The following PAK4 variants were observed in gnomAD, a reference collection of about 807,000 sequenced individuals.
PAK4 encodes the protein p21 (RAC1) activated kinase 4, also known as serine/threonine-protein kinase PAK 4.
PAK4 carries 49 observed loss-of-function variants against 53.5 expected under a neutral mutation model. That is an observed-to-expected ratio of 0.92 (90% CI 0.73 to 1.16). The LOEUF (loss-of-function observed/expected upper bound fraction) is 1.16, where lower values mean the gene tolerates loss of function less well. Among genes scored for constraint, PAK4 ranks in the 50% most tolerant of loss-of-function variants. The pLI, the probability that PAK4 is intolerant of heterozygous loss-of-function variation, is 0.00. For synonymous variants in PAK4, 376 were observed against 375.6 expected (o/e 1.00, Z -0.01); for missense variants, 824 against 850.7 (o/e 0.97, Z 0.39).
rs372653621 is a variant in PAK4 at position 39,175,050 on chromosome 19, C to T, written c.1218C>T (p.Ile406=). 314 of 1,611,324 alleles carry T rather than the reference C, an allele frequency of 1.9e-4. No individual in the cohort carries two copies. The East Asian group carries it at 3.4e-3, about 17-fold the overall frequency. The change falls in exon 5 of 9, where the codon ATC becomes ATT. Residue 406 remains isoleucine (I), a synonymous_variant. Transcript: ENST00000358301. This position sits in a 1 kb window ranked among gnomAD's most constrained non-coding sequence, Gnocchi z 4.7. Reference sequence around the variant, plus strand: ...TGGAAGGAGGCGCCCTCACCGACATCGTCACCCACACCAGGTATTTCTGGG... The same window carrying T: ...TGGAAGGAGGCGCCCTCACCGACATTGTCACCCACACCAGGTATTTCTGGG...
rs200319983 is a variant in PAK4 at position 39,173,038 on chromosome 19, G to A, written c.325G>A (p.Ala109Thr). Reference sequence around the variant, plus strand: ...GCGGAGAGACAGCCCGCCGCCGCCCGCCCGTGCCCGCCAGGAAAATGGGAT... The same window carrying A: ...GCGGAGAGACAGCCCGCCGCCGCCCACCCGTGCCCGCCAGGAAAATGGGAT... Residue 109 changes from alanine to threonine, a missense_variant, in exon 3 of 9, where the codon GCC (alanine) becomes ACC (threonine). Transcript: ENST00000358301. The surrounding 1 kb of genome is among the most constrained non-coding windows in gnomAD (Gnocchi z 6.9). 2.8e-4 allele frequency: 430 copies of A among 1,548,920 alleles called. 2 individuals carry two copies. In the African/African-American group the frequency reaches 4.4e-3, roughly 16 times the overall value.
intron 1 of PAK4, among the ~76,000 whole-genome samples, chr19:39,151,418 G>GT (rs1184049022): frequency 6.6e-6 from 1 of 152,290 alleles, no homozygotes; most frequent in Non-Finnish European, 1.5e-5. Flanking sequence ...GGGGCTGTGA[G>GT]TGGGGACAGG....
At chr19:39,126,385 C>G (rs1370587512) in intron 1 of PAK4, among the ~76,000 whole-genome samples, 1 of 125,552 alleles carries the variant, frequency 8.0e-6, no homozygotes, top group Non-Finnish European at 1.6e-5. Flanking sequence ...AATCTGACAG[C>G]GGGGCAGCTG....
chr19:39,131,943 G>A (rs191950233), intron 1 of PAK4, among the ~76,000 whole-genome samples: 1 of 152,272 alleles, frequency 6.6e-6, no homozygotes, highest in East Asian at 1.9e-4. Flanking sequence ...TGTGTGCGTC[G>A]TGCTTAGCCC....
intron 1 of PAK4, among the ~76,000 whole-genome samples, chr19:39,149,225 CTA>C (rs1400864879): frequency 3.3e-5 from 5 of 152,136 alleles, no homozygotes; most frequent in African/African-American, 1.2e-4. Context: ...TTCACAAGAG[CTA>C]AAAGGTGGAA....
At chr19:39,159,002 G>A (rs768411199) in intron 1 of PAK4, among the ~76,000 whole-genome samples, 5 of 152,152 alleles carry the variant, frequency 3.3e-5, no homozygotes, top group Admixed American at 6.5e-5. Context: ...GGCCCCACTC[G>A]GCACCAGTCA....
intron 1 of PAK4, among the ~76,000 whole-genome samples, chr19:39,153,711 G>C (rs1031002370): frequency 1.3e-5 from 2 of 152,126 alleles, no homozygotes; most frequent in African/African-American, 4.8e-5. Context: ...CAAAGTGCAG[G>C]GATTACAGGT....
chr19:39,163,603 C>T (rs905485565), intron 1 of PAK4, among the ~76,000 whole-genome samples: 1 of 152,168 alleles, frequency 6.6e-6, no homozygotes, highest in African/African-American at 2.4e-5. Flanking sequence ...GTCAACGCTG[C>T]CTGTCCCGCA....
At chr19:39,152,538 T>G (rs1310949387) in intron 1 of PAK4, 1 of 152,168 alleles carries the variant, frequency 6.6e-6, no homozygotes, top group Non-Finnish European at 1.5e-5. Context: ...GAAAAAAAAT[T>G]GTATGCTAAG....
chr19:39,165,195 G>GATA lies in PAK4; in HGVS notation c.-22-4314_-22-4312dup, dbSNP rs71169565. Among the ~76,000 whole-genome samples, 93 of 128,438 alleles carry GATA rather than the reference G, an allele frequency of 7.2e-4. 1 individual carries two copies. The highest frequency in any genetic ancestry group is 8.5e-4 in the Non-Finnish European group (53 of 62,290). The allele number at this position is 128,438 out of a possible 152,430, so 84.3% of individuals were successfully genotyped here. On this transcript the variant is annotated intron_variant, in intron 1 of 8. Coordinates refer to ENST00000358301, the Ensembl canonical transcript of PAK4. ...GCCTTGAGAGGATGATGATGATGAT[G>GATA]ATAATAATAATAATAATAATAATAA...
chr19:39,174,103 G>A lies in PAK4; in HGVS notation c.1098+93G>A, dbSNP rs145521731. On this transcript the variant is annotated intron_variant, in intron 4 of 8. Transcript: ENST00000358301. ...CTCCCTCCTCTCCCTGCACTCCTCC[G>A]TGCTGGGCCAGGCTCCCCTCCTCCC... 2,106 of 794,882 alleles carry A rather than the reference G, an allele frequency of 2.6e-3. 14 individuals carry two copies. Among genetic ancestry groups the A allele is most frequent in the African/African-American group, 0.024 (1,004 of 42,038 alleles). The allele number at this position is 794,882 out of a possible 1,614,324, so 49.2% of individuals were successfully genotyped here. A position where few individuals can be genotyped will look rare whatever the true frequency, so the allele number is the denominator to read the frequency against.
At chr19:39,167,679 C>CCCCACCCCCCT (rs2074400491) in intron 1 of PAK4, among the ~76,000 whole-genome samples, 1 of 152,122 alleles carries the variant, frequency 6.6e-6, no homozygotes, top group Non-Finnish European at 1.5e-5. Flanking sequence ...GCTGCCGGGC[C>CCCCACCCCCCT]CCCACCCCCC....
Position 39,173,621 on chromosome 19 carries a change from C to G in PAK4, c.709C>G (p.Leu237Val), listed in dbSNP as rs768517050. Residue 237 changes from leucine (L) to valine (V), a missense_variant, in exon 4 of 9, where the codon CTG becomes GTG. Physicochemically the swap from Leu to Val is conservative, Grantham distance 32 (BLOSUM62 1). Around this residue, in one of 2 missense-constraint regions of PAK4, gnomAD observed 478 missense variants for 435.8 expected, o/e 1.10. Transcript: ENST00000358301. This position sits in a 1 kb window ranked among gnomAD's most constrained non-coding sequence, Gnocchi z 6.9. ...CCCTAACGGGCCATCAGCGGGGGGC[C>G]TGGCCATCCCCCAGTCCTCCTCCTC... The G allele has an allele frequency of 5.2e-6, 8 of 1,543,096 alleles. No homozygotes were observed. The East Asian group carries it at 1.4e-4, about 26-fold the overall frequency.
At chr19:39,128,007 G>GC (rs1232497971) in intron 1 of PAK4, among the ~76,000 whole-genome samples, 1 of 152,196 alleles carries the variant, frequency 6.6e-6, no homozygotes, top group Non-Finnish European at 1.5e-5. Flanking sequence ...GACGGTGGGA[G>GC]CAGGGGAGGG....
chr19:39,173,259 G>T lies in PAK4; in HGVS notation c.546G>T (p.Gly182=), dbSNP rs768967675. 6.9e-6 allele frequency: 11 copies of T among 1,595,532 alleles called. No individual in the cohort carries two copies. The South Asian group carries it at 1.2e-4, about 18-fold the overall frequency. Residue 182 remains glycine, a synonymous_variant, in exon 3 of 9, where the codon GGG becomes GGT. Transcript: ENST00000358301. This position sits in a 1 kb window ranked among gnomAD's most constrained non-coding sequence, Gnocchi z 6.9. ...CCCGGGACAAACGCCCCCTCTCCGG[G>T]CCTGATGTCGGCACCCCCCAGCCTG...
intron 1 of PAK4, among the ~76,000 whole-genome samples, chr19:39,127,004 A>G (rs866349069): frequency 9.9e-5 from 15 of 152,226 alleles, no homozygotes; most frequent in Middle Eastern, 3.4e-3. Flanking sequence ...GGGGCTGGGC[A>G]GGGCTGGGCC....
chr19:39,157,117 G>C (rs1321201348), intron 1 of PAK4, among the ~76,000 whole-genome samples: 1 of 152,144 alleles, frequency 6.6e-6, no homozygotes, highest in African/African-American at 2.4e-5. Context: ...AGAAGTTTCC[G>C]TGAGACTGTG....
chr19:39,151,379 C>T (rs1293081002), intron 1 of PAK4, among the ~76,000 whole-genome samples: 1 of 152,184 alleles, frequency 6.6e-6, no homozygotes, highest in African/African-American at 2.4e-5. Flanking sequence ...GCTGCAAGGC[C>T]GAGGGGAGAT....
intron 1 of PAK4, among the ~76,000 whole-genome samples, chr19:39,158,902 G>A (rs2074238454): frequency 6.6e-6 from 1 of 152,126 alleles, no homozygotes; most frequent in African/African-American, 2.4e-5. Flanking sequence ...GACCATGCCC[G>A]GCATCCTCTG....
Sources: gnomAD v4.1 joint callset for allele counts (sites outside exome capture counted in the v4.1 genomes callset) on GRCh38, gnomAD v4.1.1 for gene constraint, gnomAD v4.1.1 regional missense constraint, Gnocchi (gnomAD v3.1) non-coding constraint, MANE v1.5 for transcripts, NCBI Gene and HGNC (gene_info 2026-07-23, HGNC 2026-07-21) for gene names.